Variants in JAKMIP1 observed in about 807,000 individuals in gnomAD.
JAKMIP1 encodes the protein janus kinase and microtubule interacting protein 1, also known as janus kinase and microtubule-interacting protein 1.
JAKMIP1 carries 33 observed loss-of-function variants against 113.0 expected under a neutral mutation model. The ratio of observed to expected loss-of-function variants is 0.29; its 90% CI spans 0.22 to 0.39. The LOEUF is 0.39. Ranked by LOEUF, JAKMIP1 falls within the 10% of genes least tolerant of loss-of-function variation. JAKMIP1 has a pLI of 1.00. For synonymous variants in JAKMIP1, 480 were observed against 459.9 expected (o/e 1.04, Z -0.56); for missense variants, 813 against 1,080.5 (o/e 0.75, Z 3.47).
chr4:6,198,724 G>A (rs1487142217), intron 1 of JAKMIP1, among the ~76,000 whole-genome samples: 1 of 152,212 alleles, frequency 6.6e-6, no homozygotes, highest in Non-Finnish European at 1.5e-5. Flanking sequence ...TCTCCAGGAG[G>A]GTGGAAATGC....
Position 6,105,923 on chromosome 4 carries a change from G to A in JAKMIP1, c.174C>T (p.Arg58=), listed in dbSNP as rs758061266. ...RERLQEAKLE[R]EQEQRRHTAY... is the part of the protein sequence containing the mutation. ...CCGTGTGCCGTCGCTGCTCCTGCTC[G>A]CGCTCCAGCTTCGCCTCCTGCAGCC... The change falls in exon 3 of 21, where the codon CGC becomes CGT. Residue 58 remains arginine, a synonymous_variant. Coordinates refer to ENST00000409021, the MANE Select transcript of JAKMIP1 (RefSeq NM_001099433.2). 2.3e-5 allele frequency: 37 copies of A among 1,610,070 alleles called. No individual in the cohort carries two copies. The East Asian group carries it at 3.6e-4, about 16-fold the overall frequency.
Position 6,197,056 on chromosome 4 carries a change from T to A in JAKMIP1, c.-148+3197A>T, listed in dbSNP as rs1727933468. Reference sequence around the variant, plus strand: ...TCCCTCTGCGGTGTTCACGTAGACCTCACCCTGTGTGGTGCCCGTGCAGCA... The same window carrying A: ...TCCCTCTGCGGTGTTCACGTAGACCACACCCTGTGTGGTGCCCGTGCAGCA... On this transcript the variant is annotated intron_variant, in intron 1 of 20. Coordinates refer to ENST00000409021, the MANE Select transcript of JAKMIP1 (RefSeq NM_001099433.2). The surrounding 1 kb of genome is among the most constrained non-coding windows in gnomAD (Gnocchi z 6.5). 6.6e-6 allele frequency among the ~76,000 whole-genome samples: 1 copy of A among 152,192 alleles called. No homozygotes were observed. Among genetic ancestry groups the A allele is most frequent in the Non-Finnish European group, 1.5e-5 (1 of 68,032 alleles).
intron 1 of JAKMIP1, among the ~76,000 whole-genome samples, chr4:6,170,379 T>TAC (rs1724337716): frequency 2.8e-5 from 3 of 108,290 alleles, no homozygotes; most frequent in African/African-American, 6.8e-5. Flanking sequence ...ATCACCACCA[T>TAC]CACCACCACC....
rs1725374818 is a variant in JAKMIP1, at chr4:6,176,635, G to T, written c.-148+23618C>A. 6.6e-6 allele frequency among the ~76,000 whole-genome samples: 1 copy of T among 152,300 alleles called. No homozygotes were observed. Among genetic ancestry groups the T allele is most frequent in the African/African-American group, 2.4e-5 (1 of 41,560 alleles). ...CATGTTTACAAATGGGGAAACTGAGGCTTGCAGTGGTAGAATGACTCACCC... is the reference window on the plus strand; with the variant it reads ...CATGTTTACAAATGGGGAAACTGAGTCTTGCAGTGGTAGAATGACTCACCC... On this transcript the variant is annotated intron_variant, in intron 1 of 20. Coordinates refer to ENST00000409021, the MANE Select transcript of JAKMIP1 (RefSeq NM_001099433.2). This position sits in a 1 kb window ranked among gnomAD's most constrained non-coding sequence, Gnocchi z 5.5.
rs77161830 is a variant in JAKMIP1 at position 6,167,972 on chromosome 4, C to T, written c.-148+32281G>A. The stretch of plus-strand genomic sequence containing the variant: ...AGCATGCAGACAATGAGGAGTCCGC[C>T]CATCCTCCACATCACCCGGTGTTCA... On this transcript the variant is annotated intron_variant, in intron 1 of 20. Transcript: ENST00000409021. The surrounding 1 kb of genome is among the most constrained non-coding windows in gnomAD (Gnocchi z 5.3). 0.01 allele frequency among the ~76,000 whole-genome samples: 1,591 copies of T among 152,272 alleles called. 46 individuals carry two copies. Among genetic ancestry groups the T allele is most frequent in the Admixed American group, 0.074 (1,132 of 15,288 alleles).
Position 6,054,635 on chromosome 4 carries a change from C to T in JAKMIP1, c.1708-487G>A, listed in dbSNP as rs568418842. 70 of 414,862 alleles carry T rather than the reference C, an allele frequency of 1.7e-4. 1 individual carries two copies. Among genetic ancestry groups the T allele is most frequent in the South Asian group, 2.4e-4 (14 of 57,684 alleles). 25.7% of individuals were successfully genotyped at this position (414,862 alleles called of 1,614,324 possible). On this transcript the variant is annotated intron_variant, in intron 12 of 20. Transcript: ENST00000409021. ...TCCCCACAGAGCTTGCAGAAGAAGC[C>T]GTAAAGGCAGGAGTTCTCTGAGAGC...
intron 8 of JAKMIP1, among the ~76,000 whole-genome samples, chr4:6,075,790 G>A (rs1224751718): frequency 1.3e-5 from 2 of 152,222 alleles, no homozygotes; most frequent in Non-Finnish European, 2.9e-5. Flanking sequence ...GACAGACACA[G>A]CCCCTGTCCT....
intron 18 of JAKMIP1, among the ~76,000 whole-genome samples, 158 bp from the exon 19 acceptor site, chr4:6,036,265 G>A (rs566819744): frequency 7.2e-4 from 109 of 152,230 alleles, no homozygotes; most frequent in Non-Finnish European, 1.3e-3. Flanking sequence ...GTGCCCGGGG[G>A]AGCAGGCTGT....
At chr4:6,189,391 G>A (rs1726990347) in intron 1 of JAKMIP1, among the ~76,000 whole-genome samples, 1 of 152,214 alleles carries the variant, frequency 6.6e-6, no homozygotes, top group South Asian at 2.1e-4. Flanking sequence ...CTGAGGCTCA[G>A]ACAATTGACT....
rs1560214273 is a variant in JAKMIP1, at chr4:6,116,889, C to T, written c.-147-3892G>A. Among the ~76,000 whole-genome samples, 4 of 152,186 alleles carry T rather than the reference C, an allele frequency of 2.6e-5. No individual in the cohort carries two copies. The highest frequency in any genetic ancestry group is 6.5e-5 in the Admixed American group (1 of 15,282). On this transcript the variant is annotated intron_variant, in intron 1 of 20. Coordinates refer to ENST00000409021, the MANE Select transcript of JAKMIP1 (RefSeq NM_001099433.2). The surrounding 1 kb of genome is among the most constrained non-coding windows in gnomAD (Gnocchi z 5.1). ...TCAAATATCACCTGTCACGGGCAGG[C>T]GGTGGGGAGGGCAAACTGCCAGACC...
chr4:6,061,820 T>A lies in JAKMIP1; in HGVS notation c.1560+492A>T, dbSNP rs535611967. Among the ~76,000 whole-genome samples the A allele has an allele frequency of 6.6e-6, 1 of 152,192 alleles. No individual in the cohort carries two copies. On this transcript the variant is annotated intron_variant, in intron 10 of 20. Coordinates refer to ENST00000409021, the MANE Select transcript of JAKMIP1 (RefSeq NM_001099433.2). This position sits in a 1 kb window ranked among gnomAD's most constrained non-coding sequence, Gnocchi z 5.3. ...TGGGAGAAGGGCCAGTGGATGGAAG[T>A]TTCCAGAAGGCAGAGCTCAGCCTAG... is the stretch of plus-strand genomic sequence containing the variant.
At chr4:6,047,690 G>A (rs1309852839) in intron 16 of JAKMIP1, among the ~76,000 whole-genome samples, 2 of 152,186 alleles carry the variant, frequency 1.3e-5, no homozygotes, top group Non-Finnish European at 2.9e-5. Flanking sequence ...GCCCTGGGAA[G>A]GAAACTATTT....
intron 1 of JAKMIP1, among the ~76,000 whole-genome samples, chr4:6,189,525 T>C (rs1727010614): frequency 6.6e-6 from 1 of 152,218 alleles, no homozygotes; most frequent in African/African-American, 2.4e-5. Flanking sequence ...ACTGACATTA[T>C]GGGAATCTGA....
intron 18 of JAKMIP1, among the ~76,000 whole-genome samples, chr4:6,037,063 T>C (rs1007692930): frequency 1.4e-5 from 2 of 141,418 alleles, no homozygotes; most frequent in African/African-American, 5.4e-5. Flanking sequence ...CCTCCATCAC[T>C]GAGTCAGAGG....
At chr4:6,151,047 C>A (rs1721515530) in intron 1 of JAKMIP1, among the ~76,000 whole-genome samples, 1 of 152,176 alleles carries the variant, frequency 6.6e-6, no homozygotes, top group African/African-American at 2.4e-5. Context: ...GCGCCCCCGC[C>A]ATACCTTCCC....
chr4:6,102,005 A>C (rs905675930), intron 3 of JAKMIP1, among the ~76,000 whole-genome samples: 7 of 152,028 alleles, frequency 4.6e-5, no homozygotes, highest in Non-Finnish European at 1.0e-4. Context: ...AAGTCTTCTA[A>C]TCGATGAAAA....
Position 6,088,240 on chromosome 4 carries a change from G to A in JAKMIP1, c.625-2611C>T, listed in dbSNP as rs1721572435. Among the ~76,000 whole-genome samples the A allele has an allele frequency of 6.6e-6, 1 of 152,176 alleles. No individual in the cohort carries two copies. The highest frequency in any genetic ancestry group is 2.4e-5 in the African/African-American group (1 of 41,436). ...TAAACATAATAAATAAGCAGACATT[G>A]TAGTGATTGAGAGTGATTTGTGCTA... is the stretch of plus-strand genomic sequence containing the variant. On this transcript the variant is annotated intron_variant, in intron 3 of 20. Transcript: ENST00000409021. The surrounding 1 kb of genome is among the most constrained non-coding windows in gnomAD (Gnocchi z 5.5).
chr4:6,149,231 TA>T, intron 1 of JAKMIP1, among the ~76,000 whole-genome samples: 1 of 152,290 alleles, frequency 6.6e-6, no homozygotes, highest in South Asian at 2.1e-4. Context: ...GTGATTTTAA[TA>T]AAAGTAAAAT....
At chr4:6,196,485 G>T (rs1051515656) in intron 1 of JAKMIP1, among the ~76,000 whole-genome samples, 1 of 152,224 alleles carries the variant, frequency 6.6e-6, no homozygotes, top group Non-Finnish European at 1.5e-5. Flanking sequence ...CAGCCCTGGG[G>T]TCACTGTCTG....
Sources: allele counts gnomAD v4.1 joint callset (sites outside exome capture counted in the v4.1 genomes callset), GRCh38; gene constraint gnomAD v4.1.1; non-coding constraint Gnocchi (gnomAD v3.1); transcripts MANE v1.5; gene names NCBI Gene and HGNC (gene_info 2026-07-23, HGNC 2026-07-21).